USH2A: variants seen among roughly 807,000 people sequenced by gnomAD.
USH2A encodes Usher syndrome 2A (autosomal recessive, mild).
Under a neutral mutation model 538.9 loss-of-function variants are expected in USH2A, and 443 were observed. The observed-to-expected ratio is 0.82, with a 90% confidence interval of 0.76 to 0.89. The LOEUF (loss-of-function observed/expected upper bound fraction) is 0.89, where lower values mean the gene tolerates loss of function less well. Among genes scored for constraint, USH2A ranks in the 40% least tolerant of loss-of-function variants. The pLI, the probability that USH2A is intolerant of heterozygous loss-of-function variation, is 0.00. For synonymous variants in USH2A, 2,413 were observed against 2,273.5 expected, an observed-to-expected ratio of 1.06 and a Z score of -1.75; for missense variants, 6,633 against 6,324.8, an observed-to-expected ratio of 1.05 and a Z score of -1.65.
chr1:216,202,538 C>T (rs977759709), intron 16 of USH2A, among the ~76,000 whole-genome samples: 8 of 152,118 alleles, frequency 5.3e-5, no homozygotes, highest in South Asian at 2.1e-4. Flanking sequence ...GGTTGGGGTA[C>T]GGATCTTTAA....
rs1434930994 is a variant in USH2A at position 215,770,827 on chromosome 1, T to C, written c.10940-4039A>G. Among the ~76,000 whole-genome samples the C allele has an allele frequency of 8.7e-5, 13 of 149,064 alleles. No individual in the cohort carries two copies. The Admixed American group carries it at 8.8e-4, about 10-fold the overall frequency. On this transcript the variant is annotated intron_variant, in intron 55 of 71. Coordinates refer to ENST00000307340, the MANE Select transcript of USH2A (RefSeq NM_206933.4). ...AGACATAAGAAAGGGCCGGGACCGG[T>C]GGTACGGTGGCTCATGCCTCTAGTC...
intron 23 of USH2A, among the ~76,000 whole-genome samples, chr1:216,087,881 T>C (rs1310539131): frequency 6.6e-6 from 1 of 152,164 alleles, no homozygotes; most frequent in Non-Finnish European, 1.5e-5. Flanking sequence ...CCTTAAAATT[T>C]ATTCTCAACA....
chr1:216,193,420 A>G (rs1387269323), intron 19 of USH2A, among the ~76,000 whole-genome samples: 1 of 152,126 alleles, frequency 6.6e-6, no homozygotes, highest in Admixed American at 6.6e-5. Flanking sequence ...TTTCATCAGT[A>G]TAGAAAATAA....
intron 58 of USH2A, among the ~76,000 whole-genome samples, chr1:215,750,920 CT>C (rs1558082262): frequency 2.0e-5 from 3 of 152,246 alleles, no homozygotes; most frequent in Admixed American, 1.3e-4. Flanking sequence ...TATATTAAAG[CT>C]CAGTAATGAA....
In USH2A at chr1:215,686,060, A is replaced by C. The variant is rs12044813; in HGVS notation, c.12067-5684T>G. On this transcript the variant is annotated intron_variant, in intron 61 of 71. Transcript: ENST00000307340. ...CCAAGTGGGATGACACAGCTGCCAA[A>C]ATGCTCAGTGCAAACATTTAGCAGT... 0.022 allele frequency among the ~76,000 whole-genome samples: 3,341 copies of C among 152,228 alleles called. 246 individuals are homozygous for C. The East Asian group carries it at 0.26, about 12-fold the overall frequency.
At chr1:216,294,138 T>C (rs981133175) in intron 9 of USH2A, among the ~76,000 whole-genome samples, 4 of 152,208 alleles carry the variant, frequency 2.6e-5, no homozygotes, top group Non-Finnish European at 5.9e-5. Context: ...ATTTTAACTT[T>C]CTAATATAAA....
intron 14 of USH2A, among the ~76,000 whole-genome samples, chr1:216,221,333 T>C (rs770890008): frequency 8.5e-5 from 13 of 152,116 alleles, no homozygotes; most frequent in Non-Finnish European, 1.8e-4. Flanking sequence ...ATTCGGTGAG[T>C]GCTACAGTGC....
At chr1:216,073,506 G>A (rs2031637026) in intron 27 of USH2A, among the ~76,000 whole-genome samples, 1 of 152,076 alleles carries the variant, frequency 6.6e-6, no homozygotes, top group Admixed American at 6.5e-5. Flanking sequence ...CTGTTATTTG[G>A]AAAACACATT....
Position 215,690,453 on chromosome 1 carries a change from G to C in USH2A, c.12067-10077C>G, listed in dbSNP as rs184366772. On this transcript the variant is annotated intron_variant, in intron 61 of 71. Transcript: ENST00000307340. ...GCGCTCATCTTTAGCTGGGTGTGGT[G>C]ATGCAAACCTGCAGTCCCAGCTATT... 2.3e-3 allele frequency among the ~76,000 whole-genome samples: 352 copies of C among 152,294 alleles called. 1 individual carries two copies. Among genetic ancestry groups the C allele is most frequent in the African/African-American group, 8.1e-3 (338 of 41,546 alleles).
intron 21 of USH2A, among the ~76,000 whole-genome samples, chr1:216,166,752 C>A (rs1029217514): frequency 1.3e-5 from 2 of 151,952 alleles, no homozygotes; most frequent in Non-Finnish European, 2.9e-5. Context: ...GAACAGGTTT[C>A]AGGAGAGGAA....
At chr1:215,692,902 T>C (rs549986301) in intron 61 of USH2A, among the ~76,000 whole-genome samples, 146 of 151,918 alleles carry the variant, frequency 9.6e-4, no homozygotes, top group African/African-American at 3.4e-3. Flanking sequence ...CCATTTTCTT[T>C]TCGTTTTTAA....
At chr1:216,358,713 G>A (rs1195949941) in intron 4 of USH2A, among the ~76,000 whole-genome samples, 2 of 152,052 alleles carry the variant, frequency 1.3e-5, no homozygotes, top group Non-Finnish European at 2.9e-5. Context: ...TCCTTCTGTA[G>A]CTCTCAGATG....
intron 61 of USH2A, among the ~76,000 whole-genome samples, chr1:215,685,928 A>G (rs186109144): frequency 5.2e-4 from 79 of 152,212 alleles, no homozygotes; most frequent in African/African-American, 1.9e-3. Context: ...GGAATCAAAG[A>G]TCAACTCACA....
chr1:216,317,171 C>A (rs2037524884), intron 9 of USH2A, among the ~76,000 whole-genome samples: 1 of 152,108 alleles, frequency 6.6e-6, no homozygotes, highest in Non-Finnish European at 1.5e-5. Flanking sequence ...CCTCAAAGAT[C>A]TAGAGGCAGA....
At chr1:216,347,696 T>TA (rs1215682095) in intron 4 of USH2A, among the ~76,000 whole-genome samples, 2 of 152,170 alleles carry the variant, frequency 1.3e-5, no homozygotes, top group African/African-American at 4.8e-5. Context: ...AAAATCATTG[T>TA]ATGTCACAGA....
intron 56 of USH2A, among the ~76,000 whole-genome samples, chr1:215,763,030 T>C (rs910182931): frequency 5.3e-5 from 8 of 152,220 alleles, no homozygotes; most frequent in African/African-American, 1.9e-4. Context: ...TATTGTGGAT[T>C]GTTTTTCTCC....
chr1:216,254,020 A>G (rs1010201947), intron 11 of USH2A, among the ~76,000 whole-genome samples: 2 of 152,138 alleles, frequency 1.3e-5, no homozygotes, highest in African/African-American at 4.8e-5. Flanking sequence ...TCAAAAGTGT[A>G]TAATATTGCC....
intron 21 of USH2A, among the ~76,000 whole-genome samples, chr1:216,160,191 T>G (rs913184111): frequency 6.6e-6 from 1 of 152,074 alleles, no homozygotes; most frequent in East Asian, 1.9e-4. Context: ...TTTTTGGGTG[T>G]CATATGCTGC....
chr1:216,368,861 G>T (rs79364820), intron 3 of USH2A, among the ~76,000 whole-genome samples: 4,433 of 152,216 alleles, frequency 0.029, 98 homozygotes, highest in Middle Eastern at 0.058. Flanking sequence ...CAACTTAGAA[G>T]CTTCCCAGGA....
Sources: gnomAD v4.1 joint callset for allele counts (sites outside exome capture counted in the v4.1 genomes callset) on GRCh38, gnomAD v4.1.1 for gene constraint, MANE v1.5 for transcripts, NCBI Gene and HGNC (gene_info 2026-07-23, HGNC 2026-07-21) for gene names.